The following ROBO1 variants were observed in gnomAD, a reference collection of about 807,000 sequenced individuals.
ROBO1 encodes the protein roundabout homolog 1.
A neutral mutation model predicts 195.9 loss-of-function variants in ROBO1; 149 were observed. The ratio of observed to expected loss-of-function variants is 0.76; its 90% CI spans 0.67 to 0.87. ROBO1 has a LOEUF of 0.87. ROBO1 is among the 40% of genes least tolerant of loss of function. The pLI is 0.00. For synonymous variants in ROBO1, 816 were observed against 733.2 expected (o/e 1.11, Z -1.82); for missense variants, 1,933 against 2,068.3 (o/e 0.93, Z 1.27).
At chr3:79,059,504 A>T (rs1442482532) in intron 3 of ROBO1, among the ~76,000 whole-genome samples, 1 of 152,076 alleles carries the variant, frequency 6.6e-6, no homozygotes, top group Non-Finnish European at 1.5e-5. Context: ...ATATAAAAGG[A>T]AAGAGAGCGA....
intron 1 of ROBO1, among the ~76,000 whole-genome samples, chr3:79,735,310 G>A (rs1367043667): frequency 6.6e-6 from 1 of 152,186 alleles, no homozygotes; most frequent in Admixed American, 6.5e-5. Context: ...ATTTCATCTA[G>A]AGTGTGTCTG....
At chr3:78,850,501 C>A (rs1394789263) in intron 4 of ROBO1, among the ~76,000 whole-genome samples, 1 of 152,004 alleles carries the variant, frequency 6.6e-6, no homozygotes, top group Non-Finnish European at 1.5e-5. Flanking sequence ...TTATGTTATC[C>A]TCTTCTGCTG....
At chr3:78,707,100 T>A (rs2081570778) in intron 8 of ROBO1, among the ~76,000 whole-genome samples, 1 of 152,216 alleles carries the variant, frequency 6.6e-6, no homozygotes. Flanking sequence ...AAGTTATAAT[T>A]ACTCTTCAAC....
chr3:78,837,766 T>C (rs534680025), intron 4 of ROBO1, among the ~76,000 whole-genome samples: 92 of 152,092 alleles, frequency 6.0e-4, no homozygotes, highest in African/African-American at 2.2e-3. Context: ...ATGAAAAATA[T>C]AAAGTATACG....
chr3:79,496,116 G>C (rs919388704), intron 2 of ROBO1, among the ~76,000 whole-genome samples: 1 of 149,544 alleles, frequency 6.7e-6, no homozygotes, highest in East Asian at 2.0e-4. Context: ...GGGAGGATGA[G>C]GAGTGAGAAT....
intron 3 of ROBO1, among the ~76,000 whole-genome samples, chr3:78,959,802 T>C (rs1488838290): frequency 6.6e-6 from 1 of 152,238 alleles, no homozygotes; most frequent in Non-Finnish European, 1.5e-5. Flanking sequence ...ATATAGCATC[T>C]GGTGTTTAAT....
intron 19 of ROBO1, 62 bp downstream of exon 19, chr3:78,651,670 C>A: frequency 7.7e-7 from 1 of 1,294,194 alleles, no homozygotes; most frequent in Non-Finnish European, 1.0e-6. Flanking sequence ...AATTTGGAAT[C>A]AAATATTAAA....
Position 78,635,649 on chromosome 3 carries a change from A to G in ROBO1, c.3373+124T>C, listed in dbSNP as rs576414911. The G allele has an allele frequency of 2.4e-5, 20 of 847,518 alleles. 1 individual carries two copies. The South Asian group carries it at 4.3e-4, about 18-fold the overall frequency. The allele number at this position is 847,518 out of a possible 1,614,324, so 52.5% of individuals were successfully genotyped here. A position where few individuals can be genotyped will look rare whatever the true frequency, so the allele number is the denominator to read the frequency against. On this transcript the variant is annotated intron_variant, in intron 23 of 30. Transcript: ENST00000464233. ...CACTGGAAATTTTGAAACCAAAGAA[A>G]TAAGAAAATCTCAGCGACAGAAGAA...
intron 2 of ROBO1, among the ~76,000 whole-genome samples, chr3:79,556,631 T>A (rs2107692319): frequency 6.6e-6 from 1 of 151,974 alleles, no homozygotes; most frequent in East Asian, 1.9e-4. Flanking sequence ...TGTATATATG[T>A]ATTATATTGT....
intron 18 of ROBO1, among the ~76,000 whole-genome samples, chr3:78,653,494 A>C (rs1253372688): frequency 6.6e-6 from 1 of 152,160 alleles, no homozygotes; most frequent in African/African-American, 2.4e-5. Context: ...CAACAGCAAA[A>C]AGTCCTCAGA....
At chr3:78,792,811 A>T (rs17016523) in intron 4 of ROBO1, among the ~76,000 whole-genome samples, 1 of 152,176 alleles carries the variant, frequency 6.6e-6, no homozygotes, top group African/African-American at 2.4e-5. Flanking sequence ...TATTGGAAAC[A>T]GTCTTTACCT....
intron 4 of ROBO1, among the ~76,000 whole-genome samples, chr3:78,758,432 G>C (rs1285401952): frequency 6.6e-6 from 1 of 151,066 alleles, no homozygotes; most frequent in African/African-American, 2.4e-5. Flanking sequence ...GCTGAGGTGG[G>C]AGGATTGCTT....
At chr3:79,416,329 G>A (rs1052199384) in intron 2 of ROBO1, among the ~76,000 whole-genome samples, 1 of 151,760 alleles carries the variant, frequency 6.6e-6, no homozygotes, top group Non-Finnish European at 1.5e-5. Flanking sequence ...AATTGGGCAG[G>A]GTGCTATGTC....
chr3:78,713,396 A>G (rs954077288), intron 8 of ROBO1, among the ~76,000 whole-genome samples: 14 of 152,168 alleles, frequency 9.2e-5, no homozygotes, highest in Non-Finnish European at 1.9e-4. Flanking sequence ...AGAAAAGATG[A>G]CAGCATCAAG....
intron 3 of ROBO1, among the ~76,000 whole-genome samples, chr3:78,981,325 AC>A (rs2076985689): frequency 6.6e-6 from 1 of 152,176 alleles, no homozygotes; most frequent in South Asian, 2.1e-4. Context: ...AAAGCCCATT[AC>A]CATCACCCTC....
At chr3:79,494,290 CACAA>C (rs1939615735) in intron 2 of ROBO1, among the ~76,000 whole-genome samples, 2 of 152,138 alleles carry the variant, frequency 1.3e-5, no homozygotes, top group Middle Eastern at 3.4e-3. Context: ...CTGTAAAACA[CACAA>C]ACAATTAAGG....
At chr3:79,258,311 T>C (rs2082875968) in intron 2 of ROBO1, among the ~76,000 whole-genome samples, 1 of 152,206 alleles carries the variant, frequency 6.6e-6, no homozygotes. Context: ...ATGTGAAATA[T>C]GTTCTAATTC....
chr3:79,739,794 G>A (rs1703546413), intron 1 of ROBO1, among the ~76,000 whole-genome samples: 1 of 152,124 alleles, frequency 6.6e-6, no homozygotes, highest in Admixed American at 6.6e-5. Flanking sequence ...GTCCAGTTTA[G>A]TACTCATAAA....
intron 3 of ROBO1, among the ~76,000 whole-genome samples, chr3:79,067,922 C>T (rs1284486389): frequency 6.6e-6 from 1 of 151,884 alleles, no homozygotes; most frequent in Non-Finnish European, 1.5e-5. Context: ...GCTGGCAGGC[C>T]TTGATTCCTC....
Sources: gnomAD v4.1 joint callset for allele counts (sites outside exome capture counted in the v4.1 genomes callset) on GRCh38, gnomAD v4.1.1 for gene constraint, MANE v1.5 for transcripts, NCBI Gene and HGNC (gene_info 2026-07-23, HGNC 2026-07-21) for gene names.